Variants in PRPF4 observed in about 807,000 individuals in gnomAD.
PRPF4 encodes pre-mRNA splicing tri-snRNP complex factor PRPF4.
In PRPF4, 14 loss-of-function variants were observed where a neutral mutation model predicts 72.2. That is an observed-to-expected ratio of 0.19 (90% CI 0.13 to 0.30). PRPF4 has a LOEUF of 0.30. Ranked by LOEUF, PRPF4 falls within the 10% of genes least tolerant of loss-of-function variation. The probability of loss-of-function intolerance (pLI) is 1.00; values close to 1 mark genes in which losing one functional copy is unlikely to be tolerated. For missense variants in PRPF4, 478 were observed against 653.9 expected (o/e 0.73, Z 2.93); for synonymous variants, 225 against 232.2 (o/e 0.97, Z 0.28).
intron 2 of PRPF4, among the ~76,000 whole-genome samples, chr9:113,277,644 C>G (rs1329490175): frequency 6.6e-6 from 1 of 152,196 alleles, no homozygotes; most frequent in East Asian, 1.9e-4. Context: ...CCTCGGCCTC[C>G]CAAAGTGCTG....
intron 9 of PRPF4, among the ~76,000 whole-genome samples, chr9:113,287,409 A>G (rs925528476): frequency 1.3e-5 from 2 of 152,172 alleles, no homozygotes; most frequent in African/African-American, 2.4e-5. Context: ...TCTCCTCGCA[A>G]TAGCATCATC....
Position 113,275,714 on chromosome 9 carries a change from C to A in PRPF4, c.-30C>A, listed in dbSNP as rs996276688. The A allele has an allele frequency of 6.2e-7, 1 of 1,607,406 alleles. No individual in the cohort carries two copies. Among genetic ancestry groups the A allele is most frequent in the Admixed American group, 1.7e-5 (1 of 59,446 alleles). On this transcript the variant is annotated 5_prime_UTR_variant, in exon 1 of 14. Coordinates refer to ENST00000374198, the MANE Select transcript of PRPF4 (RefSeq NM_001244926.2). ...GGTCTGAAAGGGAGTGTTCGGGTTT[C>A]GCTGGGGCCTCGCGGCTCCAGAGCC...
chr9:113,283,475 C>T lies in PRPF4; in HGVS notation c.647C>T (p.Ser216Phe). ...TCCCAGATGCAAGAGCTGCACAAGT[C>T]TCTCCGGGTAAGATGCTCCCAGCAA... The part of the protein sequence containing the change: ...RTSQMQELHK[S>F]LRSLNNFCSQ... The change falls in exon 6 of 14, where the codon TCT becomes TTT. Residue 216 changes from serine (S) to phenylalanine (F), a missense_variant. Transcript: ENST00000374198. 5 of 1,614,004 alleles carry T rather than the reference C, an allele frequency of 3.1e-6. No homozygotes were observed. Among genetic ancestry groups the T allele is most frequent in the Non-Finnish European group, 4.2e-6 (5 of 1,179,938 alleles).
At chr9:113,286,603 A>G in intron 8 of PRPF4, 102 bp from the exon 9 acceptor site, 1 of 1,357,770 alleles carries the variant, frequency 7.4e-7, no homozygotes, top group African/African-American at 1.5e-5. Flanking sequence ...TAATAGTTGA[A>G]TAGTCACTTG....
At chr9:113,284,666 GTTT>G (rs1762366502) in intron 7 of PRPF4, among the ~76,000 whole-genome samples, 1 of 152,180 alleles carries the variant, frequency 6.6e-6, no homozygotes, top group Non-Finnish European at 1.5e-5. Context: ...CCTGTAGTGA[GTTT>G]ATAGACCAAC....
intron 13 of PRPF4, 78 bp downstream of exon 13, chr9:113,291,094 T>C (rs1832596414): frequency 1.4e-6 from 2 of 1,389,070 alleles, no homozygotes; most frequent in Non-Finnish European, 1.0e-6. Flanking sequence ...GGCCAGGCTT[T>C]AGCTTAACTG....
chr9:113,279,973 T>C (rs1311747661), intron 3 of PRPF4, among the ~76,000 whole-genome samples: 1 of 152,154 alleles, frequency 6.6e-6, no homozygotes, highest in Non-Finnish European at 1.5e-5. Context: ...CTCTGTCCAC[T>C]GTCTCATCTA....
intron 1 of PRPF4, 94 bp downstream of exon 1, chr9:113,275,864 C>G: frequency 6.6e-7 from 1 of 1,519,702 alleles, no homozygotes; most frequent in Non-Finnish European, 8.9e-7. Context: ...CGGGAGAAGG[C>G]GGTGGAGGGC....
rs71367713 is a variant in PRPF4, at chr9:113,285,343, A to AT, written c.750-836dup. On this transcript the variant is annotated intron_variant, in intron 7 of 13. Transcript: ENST00000374198. ...CAATAGTGAGACCCTGTCTCTACAA[A>AT]TTTTTTTTTTTTTTTTTTTTTTTTT... Among the ~76,000 whole-genome samples, 96 of 67,576 alleles carry AT rather than the reference A, an allele frequency of 1.4e-3. 8 individuals carry two copies. Among genetic ancestry groups the AT allele is most frequent in the Non-Finnish European group, 2.1e-3 (73 of 34,180 alleles). 44.3% of individuals were successfully genotyped at this position (67,576 alleles called of 152,430 possible). A position where few individuals can be genotyped will look rare whatever the true frequency, so the allele number is the denominator to read the frequency against.
intron 7 of PRPF4, 57 bp from the exon 8 acceptor site, chr9:113,286,175 G>A (rs1210254892): frequency 6.3e-7 from 1 of 1,580,596 alleles, no homozygotes; most frequent in Admixed American, 1.7e-5. Flanking sequence ...TATTACCAAG[G>A]TACCTTTTCC....
chr9:113,288,523 G>A (rs1000600816), intron 10 of PRPF4, among the ~76,000 whole-genome samples: 14 of 151,056 alleles, frequency 9.3e-5, no homozygotes, highest in Non-Finnish European at 1.6e-4. Flanking sequence ...TGCAACCGCC[G>A]TCTCCCGGGT....
intron 9 of PRPF4, 42 bp downstream of exon 9, chr9:113,286,870 G>A (rs1460480434): frequency 1.2e-6 from 2 of 1,613,016 alleles, no homozygotes; most frequent in Non-Finnish European, 1.7e-6. Flanking sequence ...CATCACTAAA[G>A]TAGATGTTTG....
Position 113,278,970 on chromosome 9 carries a change from T to C in PRPF4, c.231T>C (p.His77=). ...TSGEVFEIEE[H]ISERQAEVLA... Reference sequence around the variant, plus strand: ...GAGAAGTGTTTGAAATTGAAGAGCATATCAGCGAGCGACAGGCAGAAGTAT... The same window carrying C: ...GAGAAGTGTTTGAAATTGAAGAGCACATCAGCGAGCGACAGGCAGAAGTAT... The change falls in exon 3 of 14, where the codon CAT becomes CAC. Residue 77 remains histidine, a synonymous_variant. Transcript: ENST00000374198. The C allele has an allele frequency of 6.2e-7, 1 of 1,614,220 alleles. No individual in the cohort carries two copies. Among genetic ancestry groups the C allele is most frequent in the Non-Finnish European group, 8.5e-7 (1 of 1,180,042 alleles).
At chr9:113,287,568 C>T (rs1265789085) in intron 9 of PRPF4, among the ~76,000 whole-genome samples, 1 of 151,868 alleles carries the variant, frequency 6.6e-6, no homozygotes, top group Non-Finnish European at 1.5e-5. Flanking sequence ...TGGGAAAACA[C>T]ATGAAGGTTT....
chr9:113,284,170 G>A, intron 6 of PRPF4, 125 bp from the exon 7 acceptor site: 1 of 641,882 alleles, frequency 1.6e-6, no homozygotes, highest in South Asian at 2.0e-5. Flanking sequence ...CAAAACCATA[G>A]AAGAATCTTG....
rs1444537666 is a variant in PRPF4, at chr9:113,282,702, A to G, written c.449A>G (p.Asp150Gly). Residue 150 changes from aspartate to glycine, a missense_variant, in exon 4 of 14, where the codon GAT becomes GGT. Transcript: ENST00000374198. ...GTDALKKTKK[D>G]DEKSKKSKEE... ...GATGCCTTGAAAAAGACCAAAAAGG[A>G]TGATGAGAAGTCTAAAAAGTCCAAA... 6.2e-7 allele frequency: 1 copy of G among 1,611,958 alleles called. No homozygotes were observed. Among genetic ancestry groups the G allele is most frequent in the South Asian group, 1.1e-5 (1 of 91,006 alleles).
Position 113,283,163 on chromosome 9 carries a change from A to G in PRPF4, c.512A>G (p.Asn171Ser). The change falls in exon 5 of 14, where the codon AAT becomes AGT. Residue 171 changes from asparagine (N) to serine (S), a missense_variant. Physicochemically the swap from Asn to Ser is conservative, Grantham distance 46 (BLOSUM62 1). Transcript: ENST00000374198. ...YQQTWYHEGPNSLKVARLWIA... is the reference protein window; with the variant it reads ...YQQTWYHEGPSSLKVARLWIA... ...CAAACCTGGTATCATGAAGGACCAA[A>G]TAGCTTGAAGGTGGCAAGACTATGG... is the stretch of plus-strand genomic sequence containing the variant. 1.9e-6 allele frequency: 3 copies of G among 1,614,234 alleles called. No individual in the cohort carries two copies. Among genetic ancestry groups the G allele is most frequent in the Non-Finnish European group, 2.5e-6 (3 of 1,180,036 alleles).
Position 113,282,713 on chromosome 9 carries a change from T to C in PRPF4, c.460T>C (p.Ser154Pro), listed in dbSNP as rs374906997. The C allele has an allele frequency of 1.2e-6, 2 of 1,608,984 alleles. No individual in the cohort carries two copies. The highest frequency in any genetic ancestry group is 1.7e-6 in the Non-Finnish European group (2 of 1,175,988). The change falls in exon 4 of 14, where the codon TCT becomes CCT. Residue 154 changes from serine to proline, a missense_variant. Ser to Pro is a moderately conservative substitution (Grantham distance 74). Coordinates refer to ENST00000374198, the MANE Select transcript of PRPF4 (RefSeq NM_001244926.2). Reference protein sequence around the residue: ...LKKTKKDDEKSKKSKEEYQQT... With the variant: ...LKKTKKDDEKPKKSKEEYQQT... ...AAAGACCAAAAAGGATGATGAGAAG[T>C]CTAAAAAGTCCAAAGAAGAGGTAGA... is the stretch of plus-strand genomic sequence containing the variant.
At chr9:113,275,894 A>C in intron 1 of PRPF4, 124 bp downstream of exon 1, 1 of 1,339,284 alleles carries the variant, frequency 7.5e-7, no homozygotes, top group South Asian at 1.3e-5. Context: ...AGGCTGCGGG[A>C]CTCAGCGGTG....
Sources: allele counts gnomAD v4.1 joint callset (sites outside exome capture counted in the v4.1 genomes callset), GRCh38; gene constraint gnomAD v4.1.1; transcripts MANE v1.5; gene names NCBI Gene and HGNC (gene_info 2026-07-23, HGNC 2026-07-21).